The following ADGB variants were observed in gnomAD, a reference collection of about 807,000 sequenced individuals.
ADGB encodes androglobin, also known as calpain-7-like protein.
Under a neutral mutation model 210.5 loss-of-function variants are expected in ADGB, and 172 were observed. The observed-to-expected ratio is 0.82, with a 90% CI of 0.72 to 0.93. The LOEUF is 0.93. Among genes scored for constraint, ADGB ranks in the 40% least tolerant of loss-of-function variants. The probability of loss-of-function intolerance (pLI) is 0.00; values close to 1 mark genes in which losing one functional copy is unlikely to be tolerated. For missense variants in ADGB, 2,025 were observed against 1,964.8 expected, an observed-to-expected ratio of 1.03 and a Z score of -0.58; for synonymous variants, 658 against 662.7, an observed-to-expected ratio of 0.99 and a Z score of 0.11.
chr6:146,716,238 C>T (rs920402125), intron 14 of ADGB, among the ~76,000 whole-genome samples: 2 of 152,054 alleles, frequency 1.3e-5, no homozygotes, highest in African/African-American at 4.8e-5. Flanking sequence ...ATATGTCCAT[C>T]TAGAGCAGAT....
chr6:146,738,985 A>G (rs1777122921), intron 23 of ADGB, among the ~76,000 whole-genome samples: 1 of 152,208 alleles, frequency 6.6e-6, no homozygotes, highest in African/African-American at 2.4e-5. Flanking sequence ...CTTAATTAAG[A>G]CTAAATCTTC....
At chr6:146,647,981 A>G (rs1217716830) in intron 3 of ADGB, among the ~76,000 whole-genome samples, 2 of 152,092 alleles carry the variant, frequency 1.3e-5, no homozygotes, top group Non-Finnish European at 2.9e-5. Flanking sequence ...TCACATACAA[A>G]GGTTTTAAAA....
At chr6:146,753,910 G>T (rs562445612) in intron 27 of ADGB, among the ~76,000 whole-genome samples, 4 of 151,650 alleles carry the variant, frequency 2.6e-5, no homozygotes, top group Admixed American at 6.6e-5. Flanking sequence ...AAATTATAAT[G>T]AATACTTGAA....
At chr6:146,690,910 A>G (rs1436558229) in intron 10 of ADGB, among the ~76,000 whole-genome samples, 1 of 152,138 alleles carries the variant, frequency 6.6e-6, no homozygotes, top group African/African-American at 2.4e-5. Context: ...CTCATTTTGT[A>G]AATAAAGAAA....
intron 9 of ADGB, among the ~76,000 whole-genome samples, chr6:146,680,698 C>T (rs560009310): frequency 6.6e-6 from 1 of 152,212 alleles, no homozygotes; most frequent in African/African-American, 2.4e-5. Context: ...CTATTCTAGG[C>T]AGTGTTAAGT....
intron 26 of ADGB, 129 bp from the exon 27 acceptor site, chr6:146,752,401 A>G (rs1777335961): frequency 2.6e-6 from 2 of 776,244 alleles, no homozygotes; most frequent in South Asian, 4.3e-5. Flanking sequence ...ACCAGGCCCC[A>G]CCTCAAACAG....
chr6:146,799,264 A>G (rs1456482436), intron 33 of ADGB, among the ~76,000 whole-genome samples: 1 of 152,042 alleles, frequency 6.6e-6, no homozygotes, highest in Non-Finnish European at 1.5e-5. Flanking sequence ...TTCAACATGT[A>G]CAAGACTCCT....
At position 146,599,525 on chromosome 6, in the gene ADGB, C is replaced by A. The variant is rs370903824; in HGVS notation, c.74+411C>A. Among the ~76,000 whole-genome samples, 5 of 152,192 alleles carry A rather than the reference C, an allele frequency of 3.3e-5. No individual in the cohort carries two copies. The East Asian group carries it at 7.7e-4, about 23-fold the overall frequency. On this transcript the variant is annotated intron_variant, in intron 1 of 35. Transcript: ENST00000397944. ...GTGACAGACAGACATGGACACATTT[C>A]ACCTTAATGGTGATTTTCTAGTTTG...
intron 25 of ADGB, among the ~76,000 whole-genome samples, chr6:146,742,605 A>G (rs1351346067): frequency 6.6e-6 from 1 of 152,156 alleles, no homozygotes; most frequent in East Asian, 1.9e-4. Context: ...TGTTTTTGTT[A>G]ATTACCTTGA....
Position 146,741,243 on chromosome 6 carries a change from T to C in ADGB, c.3149T>C (p.Val1050Ala). The C allele has an allele frequency of 6.4e-7, 1 of 1,550,948 alleles. No individual in the cohort carries two copies. The highest frequency in any genetic ancestry group is 1.2e-5 in the South Asian group (1 of 83,988). The change falls in exon 25 of 36, where the codon GTG becomes GCG. Residue 1050 changes from valine to alanine, a missense_variant. Coordinates refer to ENST00000397944, the MANE Select transcript of ADGB (RefSeq NM_024694.4). ...MEQVPKVFQK[V>A]VPYLYTKNKK... Reference sequence around the variant, plus strand: ...CAAGTGCCAAAGGTGTTCCAAAAAGTGGTGCCTTATCTTTATACCAAGAAT... The same window carrying C: ...CAAGTGCCAAAGGTGTTCCAAAAAGCGGTGCCTTATCTTTATACCAAGAAT...
chr6:146,767,307 T>A (rs1316145648), intron 28 of ADGB, among the ~76,000 whole-genome samples: 1 of 152,120 alleles, frequency 6.6e-6, no homozygotes, highest in Non-Finnish European at 1.5e-5. Flanking sequence ...GATAATATAA[T>A]CATATGCCCA....
At chr6:146,809,571 A>AG (rs1397325970) in intron 35 of ADGB, among the ~76,000 whole-genome samples, 4 of 152,096 alleles carry the variant, frequency 2.6e-5, no homozygotes, top group Non-Finnish European at 5.9e-5. Flanking sequence ...CAAACTCCTG[A>AG]GTTCAAGAGA....
At chr6:146,685,574 C>G (rs1171597052) in intron 9 of ADGB, among the ~76,000 whole-genome samples, 160 bp from the exon 10 acceptor site, 1 of 152,010 alleles carries the variant, frequency 6.6e-6, no homozygotes, top group Non-Finnish European at 1.5e-5. Flanking sequence ...ATAGATACAT[C>G]TTTGAGATTT....
At chr6:146,642,131 A>G (rs1265221487) in intron 2 of ADGB, among the ~76,000 whole-genome samples, 3 of 152,044 alleles carry the variant, frequency 2.0e-5, no homozygotes, top group Admixed American at 1.3e-4. Context: ...AAGAAGTCAT[A>G]TATGCAGCCA....
intron 27 of ADGB, among the ~76,000 whole-genome samples, chr6:146,762,060 T>C (rs753319009): frequency 2.6e-5 from 4 of 152,100 alleles, no homozygotes; most frequent in Non-Finnish European, 5.9e-5. Flanking sequence ...CTAATCCAGG[T>C]TGATGTCTTC....
intron 9 of ADGB, among the ~76,000 whole-genome samples, chr6:146,681,423 A>G (rs9377018): frequency 0.42 from 63,414 of 151,926 alleles, 14,496 homozygotes; most frequent in East Asian, 0.6. Flanking sequence ...TGAGCCAATT[A>G]AACCTCTTTT....
intron 24 of ADGB, 96 bp downstream of exon 24, chr6:146,740,689 G>T: frequency 7.8e-7 from 1 of 1,289,728 alleles, no homozygotes; most frequent in Non-Finnish European, 1.0e-6. Flanking sequence ...TTAGCTTCTG[G>T]GTTGCTTTCA....
intron 13 of ADGB, among the ~76,000 whole-genome samples, chr6:146,709,283 G>T (rs1019564338): frequency 6.6e-6 from 1 of 152,050 alleles, no homozygotes; most frequent in African/African-American, 2.4e-5. Flanking sequence ...TTCCATTATT[G>T]TTCTTGGTCC....
chr6:146,753,323 A>C (rs1777354266), intron 27 of ADGB, among the ~76,000 whole-genome samples: 1 of 152,028 alleles, frequency 6.6e-6, no homozygotes, highest in Non-Finnish European at 1.5e-5. Context: ...AAACACACTA[A>C]ATATTTTGGC....
Sources: gnomAD v4.1 joint callset for allele counts (sites outside exome capture counted in the v4.1 genomes callset) on GRCh38, gnomAD v4.1.1 for gene constraint, MANE v1.5 for transcripts, NCBI Gene and HGNC (gene_info 2026-07-23, HGNC 2026-07-21) for gene names.